NFIB: variants seen among roughly 807,000 people sequenced by gnomAD.
NFIB encodes the protein nuclear factor I B, also known as nuclear factor 1 B-type.
NFIB carries 11 observed loss-of-function variants against 61.5 expected under a neutral mutation model. The observed-to-expected ratio is 0.18, with a 90% CI of 0.11 to 0.30. NFIB has a LOEUF of 0.30. Among genes scored for constraint, NFIB ranks in the 10% least tolerant of loss-of-function variants. The pLI is 1.00. For missense variants in NFIB, 471 were observed against 608.9 expected (o/e 0.77, Z 2.38); for synonymous variants, 260 against 216.5 (o/e 1.20, Z -1.76).
chr9:14,251,636 C>G (rs59762717), intron 2 of NFIB, among the ~76,000 whole-genome samples: 2,535 of 152,314 alleles, frequency 0.017, 74 homozygotes, highest in African/African-American at 0.057. Flanking sequence ...CACATACACA[C>G]CAAGGCTCTG....
chr9:14,419,086 C>T, the NFIB span, among the ~76,000 whole-genome samples: 3 of 151,636 alleles, frequency 2.0e-5, no homozygotes, highest in African/African-American at 4.8e-5. Context: ...GGCTGGCTTA[C>T]TTTCAGACCC....
intron 5 of NFIB, among the ~76,000 whole-genome samples, chr9:14,147,649 T>TG (rs2131123593): frequency 6.9e-6 from 1 of 145,902 alleles, no homozygotes; most frequent in African/African-American, 2.5e-5. Context: ...TTTTTTTTTT[T>TG]TTTTTTTTGA....
chr9:14,462,695 G>C, the NFIB span, among the ~76,000 whole-genome samples: 3 of 152,188 alleles, frequency 2.0e-5, no homozygotes, highest in African/African-American at 7.2e-5. Flanking sequence ...CTTAGTTAAA[G>C]TGACTATCAA....
intron 1 of NFIB, among the ~76,000 whole-genome samples, chr9:14,321,390 G>A (rs1157525255): frequency 6.6e-6 from 1 of 152,122 alleles, no homozygotes; most frequent in African/African-American, 2.4e-5. Flanking sequence ...TCAGGGATGA[G>A]GGGATGGGGG....
Position 14,314,046 on chromosome 9 carries a change from C to A in NFIB, c.-535G>T. The A allele has an allele frequency of 9.4e-7, 1 of 1,066,376 alleles. No individual in the cohort carries two copies. Among genetic ancestry groups the A allele is most frequent in the Non-Finnish European group, 1.1e-6 (1 of 880,670 alleles). 66.1% of individuals were successfully genotyped at this position (1,066,376 alleles called of 1,614,324 possible). ...GCTGGGAAAGTTCAAGGTTACAGCC[C>A]CAAGCACTGCGGCAGGATCCCGGAG... On this transcript the variant is annotated 5_prime_UTR_variant, in exon 1 of 11. Transcript: ENST00000380953.
intron 6 of NFIB, among the ~76,000 whole-genome samples, chr9:14,142,916 C>T (rs2041912139): frequency 6.6e-6 from 1 of 151,874 alleles, no homozygotes; most frequent in African/African-American, 2.4e-5. Context: ...TGTTGGATAC[C>T]CCTTTGCTAG....
chr9:14,248,929 T>A (rs963600112), intron 2 of NFIB, among the ~76,000 whole-genome samples: 3 of 152,218 alleles, frequency 2.0e-5, no homozygotes, highest in Non-Finnish European at 2.9e-5. Context: ...CAGAGAAACA[T>A]TCCCAGTTAC....
At chr9:14,388,894 A>G (rs111453349) in intron 1 of NFIB, among the ~76,000 whole-genome samples, 1 of 152,330 alleles carries the variant, frequency 6.6e-6, no homozygotes, top group East Asian at 1.9e-4. Context: ...TAACTAGATC[A>G]ATGGTTTCAA....
chr9:14,372,829 C>T (rs2061373641), intron 1 of NFIB, among the ~76,000 whole-genome samples: 1 of 152,190 alleles, frequency 6.6e-6, no homozygotes, highest in South Asian at 2.1e-4. Flanking sequence ...TGAACTGAAC[C>T]TCTAACTCAA....
At chr9:14,103,347 G>T (rs373261798) in intron 10 of NFIB, among the ~76,000 whole-genome samples, 1 of 148,996 alleles carries the variant, frequency 6.7e-6, no homozygotes, top group Non-Finnish European at 1.5e-5. Context: ...TGGGTTGGGG[G>T]GGGGGAAACA....
intron 2 of NFIB, among the ~76,000 whole-genome samples, chr9:14,195,897 T>TC (rs1179278526): frequency 6.6e-6 from 1 of 151,120 alleles, no homozygotes; most frequent in East Asian, 2.0e-4. Flanking sequence ...TTTTTAAACT[T>TC]TTTTTTTTGC....
intron 2 of NFIB, among the ~76,000 whole-genome samples, chr9:14,211,665 C>T (rs2050318890): frequency 6.6e-6 from 1 of 152,208 alleles, no homozygotes; most frequent in Admixed American, 6.5e-5. Flanking sequence ...CAGAAGTTTA[C>T]CCGTTTATAT....
chr9:14,195,379 T>C (rs1474416370), intron 2 of NFIB, among the ~76,000 whole-genome samples: 1 of 152,212 alleles, frequency 6.6e-6, no homozygotes, highest in Non-Finnish European at 1.5e-5. Context: ...TTGTATTTTT[T>C]AGAAAACTCC....
At chr9:14,145,658 T>A (rs2042200095) in intron 6 of NFIB, among the ~76,000 whole-genome samples, 1 of 150,898 alleles carries the variant, frequency 6.6e-6, no homozygotes, top group African/African-American at 2.4e-5. Context: ...GACTTTTTTT[T>A]TTTTTTTTTT....
intron 10 of NFIB, among the ~76,000 whole-genome samples, chr9:14,101,439 G>A (rs2035768721): frequency 6.6e-6 from 1 of 152,064 alleles, no homozygotes; most frequent in Non-Finnish European, 1.5e-5. Context: ...AGCAGTTTCT[G>A]TGAACCAATA....
intron 1 of NFIB, among the ~76,000 whole-genome samples, chr9:14,374,575 G>C (rs1312328901): frequency 6.6e-6 from 1 of 152,166 alleles, no homozygotes; most frequent in Non-Finnish European, 1.5e-5. Context: ...CTCAGCTCAG[G>C]AGTTGCTCTA....
intron 10 of NFIB, among the ~76,000 whole-genome samples, chr9:14,108,079 T>C (rs188713577): frequency 1.3e-5 from 2 of 152,258 alleles, no homozygotes; most frequent in Admixed American, 1.3e-4. Context: ...ATAGCCATTA[T>C]TTCGACTGAA....
chr9:14,083,282 C>G lies in NFIB; in HGVS notation c.*5027G>C, dbSNP rs965099241. ...TGATGCAAAGGTCATTGTGCAGGGT[C>G]AAAGGGCAAAATCAGTGGTCCATGT... On this transcript the variant is annotated 3_prime_UTR_variant, in exon 11 of 11. Coordinates refer to ENST00000380953, the MANE Select transcript of NFIB (RefSeq NM_001190737.2). 8.9e-5 allele frequency: 20 copies of G among 225,776 alleles called. No homozygotes were observed. Among genetic ancestry groups the G allele is most frequent in the Middle Eastern group, 1.3e-3 (1 of 764 alleles). The allele number at this position is 225,776 out of a possible 1,614,324, so 14.0% of individuals were successfully genotyped here.
chr9:14,376,454 T>A (rs753160100), intron 1 of NFIB, among the ~76,000 whole-genome samples: 53 of 152,114 alleles, frequency 3.5e-4, no homozygotes, highest in Admixed American at 7.9e-4. Context: ...TGCTTGAATA[T>A]CTTCACTTCT....
Sources: gnomAD v4.1 joint callset for allele counts (sites outside exome capture counted in the v4.1 genomes callset) on GRCh38, gnomAD v4.1.1 for gene constraint, MANE v1.5 for transcripts, NCBI Gene and HGNC (gene_info 2026-07-23, HGNC 2026-07-21) for gene names.